Variants in PRTFDC1 observed in about 807,000 individuals in gnomAD.
PRTFDC1 encodes phosphoribosyltransferase domain-containing protein 1.
Under a neutral mutation model 34.6 loss-of-function variants are expected in PRTFDC1, and 38 were observed. The observed-to-expected ratio is 1.10, with a 90% CI of 0.85 to 1.44. PRTFDC1 has a LOEUF of 1.44. Among genes scored for constraint, PRTFDC1 ranks in the 40% most tolerant of loss-of-function variants. The probability of loss-of-function intolerance (pLI) is 0.00; values close to 1 mark genes in which losing one functional copy is unlikely to be tolerated. For missense variants in PRTFDC1, 270 were observed against 283.0 expected, an observed-to-expected ratio of 0.95 and a Z score of 0.33; for synonymous variants, 93 against 98.1, an observed-to-expected ratio of 0.95 and a Z score of 0.31.
At chr10:24,911,064 A>G (rs569207012) in intron 3 of PRTFDC1, among the ~76,000 whole-genome samples, 1 of 152,318 alleles carries the variant, frequency 6.6e-6, no homozygotes, top group South Asian at 2.1e-4. Flanking sequence ...AGTGATAGTT[A>G]GAATTACTTG....
intron 1 of PRTFDC1, among the ~76,000 whole-genome samples, chr10:24,943,120 G>A (rs1426086449): frequency 2.0e-5 from 3 of 150,574 alleles, no homozygotes; most frequent in Non-Finnish European, 3.0e-5. Flanking sequence ...TAAAATACAT[G>A]CAGTATCATT....
Position 24,898,979 on chromosome 10 carries a change from A to G in PRTFDC1, c.340-26916T>C, listed in dbSNP as rs1252995894. Among the ~76,000 whole-genome samples, 3 of 152,148 alleles carry G rather than the reference A, an allele frequency of 2.0e-5. No homozygotes were observed. In the East Asian group the frequency reaches 5.8e-4, roughly 29 times the overall value. On this transcript the variant is annotated intron_variant, in intron 3 of 8. Coordinates refer to ENST00000320152, the MANE Select transcript of PRTFDC1 (RefSeq NM_020200.7). ...AAGAAGCTGGCCACATGCAACCCGG[A>G]AGCCCTCACCAGAACCCAGCCATGC...
At chr10:24,944,720 C>T (rs1198474010) in intron 1 of PRTFDC1, among the ~76,000 whole-genome samples, 2 of 152,140 alleles carry the variant, frequency 1.3e-5, no homozygotes, top group Admixed American at 1.3e-4. Context: ...GAGTTCGAGG[C>T]TGCAGTGAGC....
chr10:24,884,790 A>C (rs1415482093), intron 3 of PRTFDC1, among the ~76,000 whole-genome samples: 2 of 152,102 alleles, frequency 1.3e-5, no homozygotes, highest in Non-Finnish European at 2.9e-5. Context: ...GCCATCCTAA[A>C]TCAACCAGGG....
chr10:24,909,873 A>G (rs1220415011), intron 3 of PRTFDC1, among the ~76,000 whole-genome samples: 2 of 152,058 alleles, frequency 1.3e-5, no homozygotes, highest in Admixed American at 6.6e-5. Context: ...AATTTTGGCC[A>G]GGCGTGTTGG....
rs547727680 is a variant in PRTFDC1, at chr10:24,869,917, T to C, written c.405+2081A>G. 5.9e-5 allele frequency among the ~76,000 whole-genome samples: 9 copies of C among 152,332 alleles called. 1 individual carries two copies. In the South Asian group the frequency reaches 1.9e-3, roughly 32 times the overall value. On this transcript the variant is annotated intron_variant, in intron 4 of 8. Coordinates refer to ENST00000320152, the MANE Select transcript of PRTFDC1 (RefSeq NM_020200.7). ...TAATCAAAGACTTCTTTCTAATTTC[T>C]ATATAAGAGGACCATCCACTTGTTC...
intron 1 of PRTFDC1, chr10:24,951,742 G>T: frequency 6.1e-6 from 2 of 327,056 alleles, no homozygotes; most frequent in Non-Finnish European, 8.8e-6. Flanking sequence ...GTGGCCACAA[G>T]GTCAAGAACG....
At chr10:24,895,594 G>A (rs1476797243) in intron 3 of PRTFDC1, among the ~76,000 whole-genome samples, 1 of 149,998 alleles carries the variant, frequency 6.7e-6, no homozygotes, top group Non-Finnish European at 1.5e-5. Flanking sequence ...AATGTGGGGG[G>A]TGGTGCATGA....
At chr10:24,934,068 A>AT (rs1311732967) in intron 3 of PRTFDC1, among the ~76,000 whole-genome samples, 3 of 152,302 alleles carry the variant, frequency 2.0e-5, no homozygotes, top group African/African-American at 4.8e-5. Flanking sequence ...AAGTGAAGTC[A>AT]TAAGTACACA....
At chr10:24,947,768 C>T (rs1849274112) in intron 1 of PRTFDC1, among the ~76,000 whole-genome samples, 1 of 152,076 alleles carries the variant, frequency 6.6e-6, no homozygotes, top group South Asian at 2.1e-4. Context: ...CCATAGCTCT[C>T]ATCTGTCCTC....
At chr10:24,921,385 G>A (rs1443298616) in intron 3 of PRTFDC1, among the ~76,000 whole-genome samples, 1 of 152,114 alleles carries the variant, frequency 6.6e-6, no homozygotes, top group African/African-American at 2.4e-5. Flanking sequence ...GAGGTCTATA[G>A]GGCACCAAAG....
chr10:24,875,504 T>C (rs765775097), intron 3 of PRTFDC1, among the ~76,000 whole-genome samples: 1 of 152,206 alleles, frequency 6.6e-6, no homozygotes, highest in African/African-American at 2.4e-5. Flanking sequence ...ATATGGTATG[T>C]ATCACTCTGT....
rs1849361353 is a variant in PRTFDC1 at position 24,952,420 on chromosome 10, CG to C, written c.48+107del. 1.6e-6 allele frequency: 2 copies of C among 1,272,992 alleles called. No individual in the cohort carries two copies. Among genetic ancestry groups the C allele is most frequent in the South Asian group, 2.6e-5 (2 of 76,524 alleles). 78.9% of individuals were successfully genotyped at this position (1,272,992 alleles called of 1,614,324 possible). A position where few individuals can be genotyped will look rare whatever the true frequency, so the allele number is the denominator to read the frequency against. On this transcript the variant is annotated intron_variant, in intron 1 of 8. Coordinates refer to ENST00000320152, the MANE Select transcript of PRTFDC1 (RefSeq NM_020200.7). This position sits in a 1 kb window ranked among gnomAD's most constrained non-coding sequence, Gnocchi z 5.1. ...ATCCCCGCCGGGAGGGAGAACAAAG[CG>C]GTGGCCCTCTCTCTCCCCCGACGCA...
At chr10:24,939,859 T>G (rs1360798534) in intron 2 of PRTFDC1, among the ~76,000 whole-genome samples, 1 of 146,744 alleles carries the variant, frequency 6.8e-6, no homozygotes, top group East Asian at 2.0e-4. Context: ...AACAGATAGA[T>G]TAAATGGATG....
At chr10:24,927,006 T>TA (rs1276115069) in intron 3 of PRTFDC1, among the ~76,000 whole-genome samples, 5 of 152,178 alleles carry the variant, frequency 3.3e-5, no homozygotes, top group African/African-American at 1.2e-4. Context: ...ATTTATAAAA[T>TA]AAAAAGGCTG....
At position 24,904,276 on chromosome 10, in the gene PRTFDC1, AC is replaced by A. The variant is rs1848497000; in HGVS notation, c.340-32214del. ...TAAAATGTAATACACACACACACACACACACACACACACACACAAGGAATCT... is the reference window on the plus strand; with the variant it reads ...TAAAATGTAATACACACACACACACAACACACACACACACACAAGGAATCT... On this transcript the variant is annotated intron_variant, in intron 3 of 8. Transcript: ENST00000320152. Among the ~76,000 whole-genome samples, 3 of 152,074 alleles carry A rather than the reference AC, an allele frequency of 2.0e-5. No homozygotes were observed. The South Asian group carries it at 6.2e-4, about 32-fold the overall frequency.
chr10:24,900,419 G>T (rs986163807), intron 3 of PRTFDC1, among the ~76,000 whole-genome samples: 4 of 152,194 alleles, frequency 2.6e-5, no homozygotes, highest in Non-Finnish European at 4.4e-5. Context: ...TTTACCCTTA[G>T]GTAACTTAGA....
At chr10:24,892,232 C>G (rs893244764) in intron 3 of PRTFDC1, among the ~76,000 whole-genome samples, 1 of 152,098 alleles carries the variant, frequency 6.6e-6, no homozygotes, top group African/African-American at 2.4e-5. Context: ...AGCAATCCAC[C>G]CACTTTGGCC....
rs749623800 is a variant in PRTFDC1 at position 24,937,325 on chromosome 10, A to G, written c.198T>C (p.Tyr66=). 1.7e-5 allele frequency: 27 copies of G among 1,613,808 alleles called. No individual in the cohort carries two copies. In the South Asian group the frequency reaches 3.0e-4, roughly 18 times the overall value. Residue 66 remains tyrosine (Y), a synonymous_variant, in exon 3 of 9, where the codon TAT becomes TAC. Coordinates refer to ENST00000320152, the MANE Select transcript of PRTFDC1 (RefSeq NM_020200.7). The part of the protein sequence containing the change: ...LAKDIMKDIG[Y]SDIMVLCVLK... ...GCACACACAGGACCATGATGTCACTATATCCTATGTCTTTCATAATATCCT... is the reference window on the plus strand; with the variant it reads ...GCACACACAGGACCATGATGTCACTGTATCCTATGTCTTTCATAATATCCT...
Sources: allele counts gnomAD v4.1 joint callset (sites outside exome capture counted in the v4.1 genomes callset), GRCh38; gene constraint gnomAD v4.1.1; non-coding constraint Gnocchi (gnomAD v3.1); transcripts MANE v1.5; gene names NCBI Gene and HGNC (gene_info 2026-07-23, HGNC 2026-07-21).